Variants in FAM220A observed in about 807,000 individuals in gnomAD.
FAM220A encodes the protein family with sequence similarity 220 member A, also known as protein FAM220A.
For missense variants in FAM220A, 392 were observed against 321.6 expected (o/e 1.22, Z -1.68); for synonymous variants, 141 against 130.7 (o/e 1.08, Z -0.54).
intron 1 of FAM220A, among the ~76,000 whole-genome samples, chr7:6,337,809 A>G (rs1263565965): frequency 2.6e-5 from 4 of 151,248 alleles, no homozygotes; most frequent in Non-Finnish European, 5.9e-5. Flanking sequence ...TTATTTATTT[A>G]TTTATTTATT....
At chr7:6,333,168 C>CAAAAAAAAAAAAAAAAAAA (rs111863837) in intron 1 of FAM220A, among the ~76,000 whole-genome samples, 1 of 127,998 alleles carries the variant, frequency 7.8e-6, no homozygotes, top group Non-Finnish European at 1.8e-5. Context: ...ATAAAAAAAT[C>CAAAAAAAAAAAAAAAAAAA]AAAAAAAAAA....
chr7:6,348,595 A>T lies in FAM220A; in HGVS notation c.-104T>A. 1 of 451,626 alleles carries T rather than the reference A, an allele frequency of 2.2e-6. No homozygotes were observed. The allele number at this position is 451,626 out of a possible 1,614,324, so 28.0% of individuals were successfully genotyped here. A position where few individuals can be genotyped will look rare whatever the true frequency, so the allele number is the denominator to read the frequency against. On this transcript the variant is annotated 5_prime_UTR_variant, in exon 1 of 2. The change abolishes an upstream ATG in the 5' untranslated region. Transcript: ENST00000313324. Reference sequence around the variant, plus strand: ...CACCTGCAGGCGGACGTTGAGCATCATGGAAGCCACGATGTAGAGGTAGGG... The same window carrying T: ...CACCTGCAGGCGGACGTTGAGCATCTTGGAAGCCACGATGTAGAGGTAGGG...
chr7:6,341,644 C>G (rs574981677), intron 1 of FAM220A, among the ~76,000 whole-genome samples: 67 of 148,934 alleles, frequency 4.5e-4, no homozygotes, highest in Non-Finnish European at 5.0e-4. Context: ...GAGCTGAGAT[C>G]GCGCCACCGC....
chr7:6,346,581 C>G (rs954082919), intron 1 of FAM220A, among the ~76,000 whole-genome samples: 1 of 152,102 alleles, frequency 6.6e-6, no homozygotes, highest in African/African-American at 2.4e-5. Context: ...GGGTTTCACC[C>G]TGTAGCCCAG....
intron 1 of FAM220A, among the ~76,000 whole-genome samples, chr7:6,341,145 A>C (rs919771419): frequency 6.8e-6 from 1 of 147,554 alleles, no homozygotes; most frequent in African/African-American, 2.5e-5. Context: ...CTCTGTCCCA[A>C]AAAAAAAAAT....
At chr7:6,332,763 C>A (rs1209158520) in intron 1 of FAM220A, among the ~76,000 whole-genome samples, 1 of 152,188 alleles carries the variant, frequency 6.6e-6, no homozygotes. Context: ...CTGAAAGTGG[C>A]TGACGGGGAT....
At chr7:6,344,493 G>C (rs1441856228) in intron 1 of FAM220A, among the ~76,000 whole-genome samples, 1 of 151,930 alleles carries the variant, frequency 6.6e-6, no homozygotes, top group Non-Finnish European at 1.5e-5. Context: ...TACAATTATA[G>C]CTCACTGCCT....
At position 6,342,526 on chromosome 7, in the gene FAM220A, G is replaced by A. The variant is rs555648478; in HGVS notation, c.-82+6047C>T. ...TGCACTGCAGCCTGGGTGACAAAGC[G>A]AGACTCTGTCTCAAAAAAAAAAGTG... On this transcript the variant is annotated intron_variant, in intron 1 of 1. Transcript: ENST00000313324. Among the ~76,000 whole-genome samples the A allele has an allele frequency of 1.5e-3, 221 of 151,808 alleles. 1 individual carries two copies. The highest frequency in any genetic ancestry group is 5.2e-3 in the African/African-American group (213 of 41,248).
In FAM220A at chr7:6,335,756, C is replaced by T. The variant is rs370007002; in HGVS notation, c.-81-4521G>A. ...TCACTAAAATATATTTGAACCAGGC[C>T]AGGTGCAGTGGCTCAGCCCTGTCAT... On this transcript the variant is annotated intron_variant, in intron 1 of 1. Coordinates refer to ENST00000313324, the MANE Select transcript of FAM220A (RefSeq NM_001037163.2). Among the ~76,000 whole-genome samples, 4 of 152,198 alleles carry T rather than the reference C, an allele frequency of 2.6e-5. No individual in the cohort carries two copies. In the East Asian group the frequency reaches 5.8e-4, roughly 22 times the overall value.
intron 1 of FAM220A, among the ~76,000 whole-genome samples, chr7:6,346,847 A>C (rs760149366): frequency 2.0e-5 from 3 of 152,170 alleles, no homozygotes; most frequent in Non-Finnish European, 2.9e-5. Context: ...TGGTGGTTCT[A>C]CTGCTCAGAC....
At chr7:6,348,322 G>A (rs1781995311) in intron 1 of FAM220A, among the ~76,000 whole-genome samples, 2 of 151,220 alleles carry the variant, frequency 1.3e-5, no homozygotes, top group African/African-American at 4.9e-5. Context: ...ATGCAGTCTC[G>A]GACCCCACCT....
At chr7:6,343,060 G>T (rs975916005) in intron 1 of FAM220A, among the ~76,000 whole-genome samples, 4 of 148,812 alleles carry the variant, frequency 2.7e-5, no homozygotes, top group African/African-American at 9.9e-5. Flanking sequence ...AAAAAAGAAA[G>T]AAAGAAAGAG....
intron 1 of FAM220A, among the ~76,000 whole-genome samples, chr7:6,344,889 A>G (rs962698960): frequency 2.6e-5 from 4 of 151,452 alleles, no homozygotes; most frequent in Admixed American, 2.6e-4. Context: ...TGACAGGCGC[A>G]TGCCGCCATG....
chr7:6,342,538 CA>C (rs368631534), intron 1 of FAM220A, among the ~76,000 whole-genome samples: 11 of 146,402 alleles, frequency 7.5e-5, no homozygotes, highest in African/African-American at 1.7e-4. Flanking sequence ...GACTCTGTCT[CA>C]AAAAAAAAAG....
chr7:6,345,371 TC>T (rs1464633920), intron 1 of FAM220A, among the ~76,000 whole-genome samples: 1 of 151,970 alleles, frequency 6.6e-6, no homozygotes, highest in Non-Finnish European at 1.5e-5. Flanking sequence ...CACCTCAGTC[TC>T]CCAAAGTGCT....
At chr7:6,332,356 G>A (rs182974922) in intron 1 of FAM220A, among the ~76,000 whole-genome samples, 117 of 152,246 alleles carry the variant, frequency 7.7e-4, no homozygotes, top group Admixed American at 7.1e-3. Flanking sequence ...CTCATGGAAT[G>A]TACTGATTAC....
At position 6,331,052 on chromosome 7, in the gene FAM220A, G is replaced by T. The variant is rs767015560; in HGVS notation, c.103C>A (p.Pro35Thr). Reference sequence around the variant, plus strand: ...GCATCTGCAGGCCAAGGGCCCTCCGGCATTCTTTTCTTAAGGCTGCATGAT... The same window carrying T: ...GCATCTGCAGGCCAAGGGCCCTCCGTCATTCTTTTCTTAAGGCTGCATGAT... Reference protein sequence around the residue: ...KLSCSLKKRMPEGPWPADAPS... With the variant: ...KLSCSLKKRMTEGPWPADAPS... Residue 35 changes from proline to threonine, a missense_variant, in exon 2 of 2, where the codon CCG becomes ACG. Transcript: ENST00000313324. 1.2e-5 allele frequency: 20 copies of T among 1,613,718 alleles called. No individual in the cohort carries two copies. The highest frequency in any genetic ancestry group is 1.7e-5 in the Non-Finnish European group (20 of 1,180,052).
intron 1 of FAM220A, among the ~76,000 whole-genome samples, chr7:6,334,956 C>T (rs772885246): frequency 1.5e-4 from 22 of 148,772 alleles, no homozygotes; most frequent in Non-Finnish European, 2.5e-4. Flanking sequence ...TTAATAGAGA[C>T]GGGTTTCTTC....
chr7:6,339,242 G>A (rs2115139539), intron 1 of FAM220A, among the ~76,000 whole-genome samples: 1 of 152,216 alleles, frequency 6.6e-6, no homozygotes, highest in Admixed American at 6.6e-5. Flanking sequence ...CCGAGGTGGG[G>A]AGATCACTTG....
Sources: gnomAD v4.1 joint callset for allele counts (sites outside exome capture counted in the v4.1 genomes callset) on GRCh38, gnomAD v4.1.1 for gene constraint, MANE v1.5 for transcripts, NCBI Gene and HGNC (gene_info 2026-07-23, HGNC 2026-07-21) for gene names.